Variants in CDYL observed in about 807,000 individuals in gnomAD.
The protein encoded by CDYL is chromodomain Y like, also known as chromodomain Y-like protein.
In CDYL, 8 loss-of-function variants were observed where a neutral mutation model predicts 47.3. The observed-to-expected ratio is 0.17, with a 90% CI of 0.10 to 0.31. The LOEUF (loss-of-function observed/expected upper bound fraction) is 0.31, where lower values mean the gene tolerates loss of function less well. Among genes scored for constraint, CDYL ranks in the 10% least tolerant of loss-of-function variants. The pLI is 1.00. For missense variants in CDYL, 471 were observed against 701.4 expected (o/e 0.67, Z 3.71); for synonymous variants, 266 against 265.0 (o/e 1.00, Z -0.04).
intron 3 of CDYL, among the ~76,000 whole-genome samples, chr6:4,746,264 T>G (rs1757895182): frequency 1.3e-5 from 2 of 150,404 alleles, no homozygotes; most frequent in Admixed American, 6.7e-5. Context: ...CTCAGGTGGC[T>G]GAGACAGGAG....
intron 1 of CDYL, among the ~76,000 whole-genome samples, chr6:4,707,308 G>A (rs187636115): frequency 1.3e-4 from 20 of 152,146 alleles, no homozygotes; most frequent in South Asian, 4.2e-4. Flanking sequence ...ACAGAGTCTC[G>A]CTCTGTCACC....
chr6:4,720,721 G>A (rs534773215), intron 2 of CDYL, among the ~76,000 whole-genome samples: 2 of 152,200 alleles, frequency 1.3e-5, no homozygotes, highest in African/African-American at 2.4e-5. Context: ...AATGGCAGGA[G>A]TAAAGGGATA....
At chr6:4,722,503 A>C (rs1757389606) in intron 2 of CDYL, among the ~76,000 whole-genome samples, 1 of 152,238 alleles carries the variant, frequency 6.6e-6, no homozygotes, top group Non-Finnish European at 1.5e-5. Context: ...AAGATTTTTA[A>C]AAAGAGTACG....
chr6:4,900,774 C>CGTGT (rs368919776), intron 2 of CDYL, among the ~76,000 whole-genome samples: 3,827 of 26,518 alleles, frequency 0.14, 819 homozygotes, highest in Middle Eastern at 0.4. Flanking sequence ...ATTCCGTATA[C>CGTGT]GTGTGTATAT....
intron 3 of CDYL, among the ~76,000 whole-genome samples, chr6:4,743,967 T>TGA (rs1219478593): frequency 6.6e-6 from 1 of 152,194 alleles, no homozygotes; most frequent in Non-Finnish European, 1.5e-5. Context: ...ATGTAGCTTG[T>TGA]GAGACTTTTC....
chr6:4,728,399 G>C (rs6931832), intron 2 of CDYL, among the ~76,000 whole-genome samples: 22,164 of 152,134 alleles, frequency 0.15, 2,184 homozygotes, highest in African/African-American at 0.29. Context: ...TCAGCCTCAG[G>C]TTCCTCCTCT....
chr6:4,750,640 A>C (rs913154580), intron 3 of CDYL, among the ~76,000 whole-genome samples: 1 of 152,258 alleles, frequency 6.6e-6, no homozygotes, highest in Non-Finnish European at 1.5e-5. Context: ...GCACAACGAC[A>C]ACAATCAAAT....
At chr6:4,810,835 C>G (rs1461371563) in intron 1 of CDYL, among the ~76,000 whole-genome samples, 2 of 152,214 alleles carry the variant, frequency 1.3e-5, no homozygotes, top group African/African-American at 4.8e-5. Context: ...TTGTGCCACT[C>G]TCCTATGTAT....
chr6:4,811,608 C>CTTTTTTTT (rs397975784), intron 1 of CDYL, among the ~76,000 whole-genome samples: 1 of 126,730 alleles, frequency 7.9e-6, no homozygotes, highest in Non-Finnish European at 1.7e-5. Flanking sequence ...TGACATTATT[C>CTTTTTTTT]TTTTTTTTTT....
chr6:4,888,437 G>A (rs1761955971), intron 1 of CDYL, among the ~76,000 whole-genome samples: 1 of 151,896 alleles, frequency 6.6e-6, no homozygotes, highest in African/African-American at 2.4e-5. Context: ...GCATATAGTT[G>A]TTCATAGTAT....
chr6:4,920,223 C>T (rs778159316), intron 2 of CDYL, among the ~76,000 whole-genome samples: 5 of 151,988 alleles, frequency 3.3e-5, no homozygotes, highest in African/African-American at 9.7e-5. Flanking sequence ...TCTGGGGAGA[C>T]GAAAAGTTCT....
intron 1 of CDYL, among the ~76,000 whole-genome samples, chr6:4,818,662 TTGTC>T (rs1759740203): frequency 6.6e-6 from 1 of 152,222 alleles, no homozygotes; most frequent in Non-Finnish European, 1.5e-5. Context: ...TTATCCTGCT[TTGTC>T]TGGGCATTTT....
chr6:4,727,224 G>A (rs116050487), intron 2 of CDYL, among the ~76,000 whole-genome samples: 96 of 152,284 alleles, frequency 6.3e-4, no homozygotes, highest in African/African-American at 2.2e-3. Flanking sequence ...CCAGAGAAGT[G>A]TGGGTTTCTT....
intron 3 of CDYL, among the ~76,000 whole-genome samples, chr6:4,744,241 C>T (rs1247915462): frequency 6.6e-6 from 1 of 152,130 alleles, no homozygotes; most frequent in Admixed American, 6.5e-5. Context: ...CACTGCAATC[C>T]CAGCACTCTG....
intron 2 of CDYL, chr6:4,734,742 T>A: frequency 6.2e-7 from 1 of 1,613,230 alleles, no homozygotes; most frequent in South Asian, 1.1e-5. Context: ...CTCAGAAACT[T>A]TCTCATTATT....
intron 1 of CDYL, among the ~76,000 whole-genome samples, chr6:4,778,683 AAAAG>A (rs1758534065): frequency 1.3e-5 from 2 of 152,320 alleles, no homozygotes; most frequent in African/African-American, 4.8e-5. Flanking sequence ...GTTTTGGAAA[AAAAG>A]GTATTATAGA....
At chr6:4,885,872 G>A (rs1761886399) in intron 1 of CDYL, among the ~76,000 whole-genome samples, 1 of 152,070 alleles carries the variant, frequency 6.6e-6, no homozygotes, top group Non-Finnish European at 1.5e-5. Context: ...ACCTCAAAAA[G>A]AAATCTAGTA....
chr6:4,942,878 C>T (rs987630360), intron 4 of CDYL, among the ~76,000 whole-genome samples: 5 of 152,210 alleles, frequency 3.3e-5, no homozygotes, highest in African/African-American at 9.7e-5. Flanking sequence ...GATGTGGGTA[C>T]AGGCCTGAGC....
chr6:4,815,059 C>T (rs543542246), intron 1 of CDYL, among the ~76,000 whole-genome samples: 1 of 151,828 alleles, frequency 6.6e-6, no homozygotes, highest in Admixed American at 6.6e-5. Flanking sequence ...ATCCCAAAGT[C>T]CGATTTTTAA....
Sources: allele counts gnomAD v4.1 joint callset (sites outside exome capture counted in the v4.1 genomes callset), GRCh38; gene constraint gnomAD v4.1.1; transcripts MANE v1.5; gene names NCBI Gene and HGNC (gene_info 2026-07-23, HGNC 2026-07-21).